Variants in CSMD1 observed in about 807,000 individuals in gnomAD.
CSMD1 encodes the protein CUB and Sushi multiple domains 1.
In CSMD1, 213 loss-of-function variants were observed where a neutral mutation model predicts 417.5. That is an observed-to-expected ratio of 0.51 (90% CI 0.46 to 0.57). The LOEUF is 0.57. Among genes scored for constraint, CSMD1 ranks in the 20% least tolerant of loss-of-function variants. The pLI, the probability that CSMD1 is intolerant of heterozygous loss-of-function variation, is 0.00. For missense variants in CSMD1, 6,923 were observed against 4,529.7 expected (o/e 1.53, Z -15.17); for synonymous variants, 2,862 against 1,736.8 (o/e 1.65, Z -16.11).
intron 2 of CSMD1, among the ~76,000 whole-genome samples, chr8:4,538,558 G>A (rs373897362): frequency 2.7e-4 from 41 of 151,854 alleles, no homozygotes; most frequent in African/African-American, 8.9e-4. Flanking sequence ...CAGGAGAATC[G>A]CTTGAACCCA....
chr8:3,145,299 T>C (rs571909747), intron 40 of CSMD1, among the ~76,000 whole-genome samples: 3 of 152,242 alleles, frequency 2.0e-5, no homozygotes, highest in Admixed American at 1.3e-4. Context: ...TAATATTTTA[T>C]GGTAGGGAAA....
At chr8:3,237,873 TTATACTATAAATATAATTTTTATAA>T (rs1799255963) in intron 26 of CSMD1, among the ~76,000 whole-genome samples, 2 of 2,868 alleles carry the variant, frequency 7.0e-4, no homozygotes. Flanking sequence ...ATTTTTATAA[TTATACTATAAATATAATTTTTATAA>T]TTATACTTAT....
rs189934862 is a variant in CSMD1 at position 4,432,755 on chromosome 8, G to A, written c.303-12690C>T. 1.0e-3 allele frequency among the ~76,000 whole-genome samples: 157 copies of A among 152,268 alleles called. 2 individuals are homozygous for A. The highest frequency in any genetic ancestry group is 3.5e-3 in the African/African-American group (146 of 41,546). ...CAGGAGATTTCAAACCAGGGCCATA[G>A]AGGAAATAAAAATATATGAAGCCAA... On this transcript the variant is annotated intron_variant, in intron 2 of 69. Transcript: ENST00000635120.
chr8:3,841,664 C>A lies in CSMD1; in HGVS notation c.819-87622G>T, dbSNP rs200006865. Among the ~76,000 whole-genome samples the A allele has an allele frequency of 4.6e-3, 693 of 152,020 alleles. 3 individuals carry two copies. Among genetic ancestry groups the A allele is most frequent in the South Asian group, 0.029 (140 of 4,800 alleles). Reference sequence around the variant, plus strand: ...TTTTAGAGGTTCAAATAAAAAAAAACCATGAATATGATTCTAATTTTAGAA... The same window carrying A: ...TTTTAGAGGTTCAAATAAAAAAAAAACATGAATATGATTCTAATTTTAGAA... On this transcript the variant is annotated intron_variant, in intron 5 of 69. Coordinates refer to ENST00000635120, the MANE Select transcript of CSMD1 (RefSeq NM_033225.6).
chr8:3,404,352 A>T (rs893943093), intron 15 of CSMD1, among the ~76,000 whole-genome samples: 2 of 104,226 alleles, frequency 1.9e-5, no homozygotes, highest in African/African-American at 3.4e-5. Context: ...AAAAAAAAAA[A>T]AAAATTGCGT....
intron 4 of CSMD1, among the ~76,000 whole-genome samples, chr8:4,015,490 C>T (rs1023716733): frequency 6.6e-6 from 1 of 151,820 alleles, no homozygotes; most frequent in African/African-American, 2.4e-5. Flanking sequence ...TAAAGAAAAC[C>T]ACAGCTTCAG....
At chr8:3,986,190 G>GC (rs1184154454) in intron 5 of CSMD1, among the ~76,000 whole-genome samples, 2 of 152,054 alleles carry the variant, frequency 1.3e-5, no homozygotes, top group Non-Finnish European at 2.9e-5. Flanking sequence ...ATTTTAAGCT[G>GC]CCCCTCGGTC....
At chr8:3,897,545 T>C (rs1347811101) in intron 5 of CSMD1, among the ~76,000 whole-genome samples, 2 of 151,858 alleles carry the variant, frequency 1.3e-5, no homozygotes, top group African/African-American at 2.4e-5. Flanking sequence ...ATAAGTTATA[T>C]AAATAAATGC....
Position 3,183,469 on chromosome 8 carries a change from GAGT to G in CSMD1, c.5621-2258_5621-2256del, listed in dbSNP as rs1247838752. Among the ~76,000 whole-genome samples, 3 of 82,068 alleles carry G rather than the reference GAGT, an allele frequency of 3.7e-5. 1 individual carries two copies. The highest frequency in any genetic ancestry group is 1.8e-4 in the African/African-American group (3 of 17,008). 53.8% of individuals were successfully genotyped at this position (82,068 alleles called of 152,430 possible). ...CTAATCTATCTATCCCTGAAATATC[GAGT>G]AGGTCTCTAACGTTTCTTAAAGATA... is the stretch of plus-strand genomic sequence containing the variant. On this transcript the variant is annotated intron_variant, in intron 36 of 69. Transcript: ENST00000635120.
At chr8:4,127,277 C>G (rs916318883) in intron 3 of CSMD1, among the ~76,000 whole-genome samples, 2 of 151,938 alleles carry the variant, frequency 1.3e-5, no homozygotes, top group Non-Finnish European at 2.9e-5. Flanking sequence ...AGGTTATTCT[C>G]ATGCGGCTCC....
At chr8:4,042,276 A>C (rs1797929584) in intron 3 of CSMD1, among the ~76,000 whole-genome samples, 1 of 152,196 alleles carries the variant, frequency 6.6e-6, no homozygotes, top group Non-Finnish European at 1.5e-5. Flanking sequence ...AAATCTTTAA[A>C]GCATCCCTAC....
chr8:4,174,020 C>T (rs1011229854), intron 3 of CSMD1, among the ~76,000 whole-genome samples: 2 of 152,128 alleles, frequency 1.3e-5, no homozygotes, highest in African/African-American at 2.4e-5. Flanking sequence ...ATCACCATGG[C>T]CAAGGGAATG....
At chr8:3,035,108 T>G (rs1810586672) in intron 50 of CSMD1, among the ~76,000 whole-genome samples, 5 of 152,148 alleles carry the variant, frequency 3.3e-5, no homozygotes, top group Non-Finnish European at 5.9e-5. Context: ...GTGCTGACAT[T>G]TTTAAAGAAA....
At chr8:3,244,557 C>T (rs73185542) in intron 26 of CSMD1, among the ~76,000 whole-genome samples, 1 of 152,156 alleles carries the variant, frequency 6.6e-6, no homozygotes. Context: ...TAACCTAGGT[C>T]GCTGCAGACA....
At chr8:2,994,268 C>T (rs796918675) in intron 54 of CSMD1, among the ~76,000 whole-genome samples, 1 of 151,014 alleles carries the variant, frequency 6.6e-6, no homozygotes, top group African/African-American at 2.4e-5. Flanking sequence ...CTCGTGTGTA[C>T]TGATTGCTGA....
At chr8:3,674,070 C>T (rs1214284653) in intron 7 of CSMD1, among the ~76,000 whole-genome samples, 1 of 152,100 alleles carries the variant, frequency 6.6e-6, no homozygotes, top group Non-Finnish European at 1.5e-5. Flanking sequence ...AATGTCATTG[C>T]ACTCCAGCTT....
intron 3 of CSMD1, among the ~76,000 whole-genome samples, chr8:4,385,428 C>T (rs1803383103): frequency 6.6e-6 from 1 of 152,172 alleles, no homozygotes. Context: ...GCACTGATTT[C>T]ACTTAGTACA....
intron 16 of CSMD1, among the ~76,000 whole-genome samples, chr8:3,398,601 G>C (rs1455424623): frequency 6.6e-6 from 1 of 152,130 alleles, no homozygotes; most frequent in Non-Finnish European, 1.5e-5. Context: ...CCAGAATGTA[G>C]TCTAGTCAAG....
chr8:4,058,944 A>T (rs187981528), intron 3 of CSMD1, among the ~76,000 whole-genome samples: 12 of 152,150 alleles, frequency 7.9e-5, no homozygotes, highest in Non-Finnish European at 1.2e-4. Context: ...AAGCGGGCCT[A>T]ACAGACATCT....
Sources: allele counts gnomAD v4.1 joint callset (sites outside exome capture counted in the v4.1 genomes callset), GRCh38; gene constraint gnomAD v4.1.1; transcripts MANE v1.5; gene names NCBI Gene and HGNC (gene_info 2026-07-23, HGNC 2026-07-21).